Variants in SMARCA1 observed in about 807,000 individuals in gnomAD.
SMARCA1 encodes SNF2 related chromatin remodeling ATPase 1, also known as SWI/SNF-related matrix-associated actin-dependent regulator of chromatin subfamily A member 1.
A neutral mutation model predicts 93.6 loss-of-function variants in SMARCA1; 17 were observed. That is an observed-to-expected ratio of 0.18 (90% CI 0.12 to 0.27). SMARCA1 has a LOEUF of 0.27. SMARCA1 is among the 10% of genes least tolerant of loss of function. The pLI is 1.00. For synonymous variants in SMARCA1, 271 were observed against 271.4 expected (o/e 1.00, Z 0.01); for missense variants, 630 against 819.0 (o/e 0.77, Z 2.82).
chrX:129,470,052 C>A (rs148827194), intron 20 of SMARCA1, among the ~76,000 whole-genome samples: 1 of 110,975 alleles, frequency 9.0e-6, no homozygotes, highest in Admixed American at 9.6e-5. Flanking sequence ...AATAAAATTA[C>A]GTTATAGCAA....
Position 129,499,801 on chromosome X carries a change from A to G in SMARCA1, c.1208T>C (p.Val403Ala). Residue 403 changes from valine (V) to alanine (A), a missense_variant, in exon 10 of 25, where the codon GTA (valine) becomes GCA (alanine). Coordinates refer to ENST00000371121, the MANE Select transcript of SMARCA1 (RefSeq NM_001282874.2). ...CTTTTTAGGTGGCAGACTCTTCTCT[A>G]CATCAGTTTTTATACGGCGTAACAA... ...PFLLRRIKTD[V>A]EKSLPPKKEI... is the part of the protein sequence containing the mutation. 1 of 1,181,866 alleles carries G rather than the reference A, an allele frequency of 8.5e-7. No homozygotes were observed. Among genetic ancestry groups the G allele is most frequent in the Non-Finnish European group, 1.1e-6 (1 of 871,419 alleles).
rs1242844055 is a variant in SMARCA1 at position 129,471,266 on chromosome X, T to C, written c.2503A>G (p.Ile835Val). ...ALAQREEQKK[I>V]DGAEPLTPEE... is the part of the protein sequence containing the mutation. ...GGTGTAAGAGGTTCAGCTCCATCAA[T>C]CTTTTTTTGCTCTTCTCTTTGAGCC... Residue 835 changes from isoleucine (I) to valine (V), a missense_variant, in exon 20 of 25, where the codon ATT (isoleucine) becomes GTT (valine). Physicochemically the swap from Ile to Val is conservative, Grantham distance 29. Around this residue, in one of 4 missense-constraint regions of SMARCA1, gnomAD observed 52 missense variants for 38.3 expected, o/e 1.36. Transcript: ENST00000371121. 1.7e-6 allele frequency: 2 copies of C among 1,200,114 alleles called. No homozygotes were observed. The highest frequency in any genetic ancestry group is 1.8e-5 in the South Asian group (1 of 56,289).
chrX:129,447,226 T>C lies in SMARCA1; in HGVS notation c.3149A>G (p.Lys1050Arg). ...KRATKTPMSQ[K>R]RKAESATESS... ...CTCAGTAGCTGACTCTGCTTTTCTT[T>C]TCTGTGACTAAAATGGAAACAGATT... Residue 1050 changes from lysine (K) to arginine (R), a missense_variant, in exon 25 of 25, where the codon AAA becomes AGA. Coordinates refer to ENST00000371121, the MANE Select transcript of SMARCA1 (RefSeq NM_001282874.2). 1 of 1,133,831 alleles carries C rather than the reference T, an allele frequency of 8.8e-7. No homozygotes were observed. The highest frequency in any genetic ancestry group is 1.2e-6 in the Non-Finnish European group (1 of 855,682). The allele number at this position is 1,133,831 out of a possible 1,213,427, so 93.4% of individuals were successfully genotyped here. A position where few individuals can be genotyped will look rare whatever the true frequency, so the allele number is the denominator to read the frequency against.
At chrX:129,472,645 A>G (rs1195430324) in intron 19 of SMARCA1, among the ~76,000 whole-genome samples, 2 of 111,965 alleles carry the variant, frequency 1.8e-5, no homozygotes, top group Admixed American at 9.5e-5. Flanking sequence ...ATGTTTGTAG[A>G]ACTATGATAA....
rs1295987606 is a variant in SMARCA1 at position 129,465,581 on chromosome X, T to A, written c.2969A>T (p.Gln990Leu). Residue 990 changes from glutamine to leucine, a missense_variant, in exon 23 of 25, where the codon CAG becomes CTG. Gln to Leu is a moderately radical substitution (Grantham distance 113, BLOSUM62 -2). Coordinates refer to ENST00000371121, the MANE Select transcript of SMARCA1 (RefSeq NM_001282874.2). The part of the protein sequence containing the change: ...DRENVYEELR[Q>L]CVRNAPQFRF... The stretch of plus-strand genomic sequence containing the variant: ...AAACTGGGGAGCATTTCGTACACAC[T>A]GTCTTAATTCTTCATATACATTTTC... The A allele has an allele frequency of 8.3e-7, 1 of 1,206,977 alleles. No homozygotes were observed. Among genetic ancestry groups the A allele is most frequent in the Non-Finnish European group, 1.1e-6 (1 of 891,519 alleles).
chrX:129,470,634 C>G (rs1044329421), intron 20 of SMARCA1, among the ~76,000 whole-genome samples: 9 of 111,187 alleles, frequency 8.1e-5, no homozygotes, highest in Non-Finnish European at 1.5e-4. Context: ...TTTGGGAGGC[C>G]GAGGTGGGTG....
chrX:129,511,788 CTTGT>C lies in SMARCA1; in HGVS notation c.810+12_810+15del. The C allele has an allele frequency of 8.6e-7, 1 of 1,162,402 alleles. No homozygotes were observed. The highest frequency in any genetic ancestry group is 3.0e-5 in the East Asian group (1 of 33,328). ...TATTATTCTTAACTGCCTTTTTACA[CTTGT>C]TTCTCACTTACTCTGGCATCCTTGT... On this transcript the variant is annotated intron_variant, in intron 6 of 24. Coordinates refer to ENST00000371121, the MANE Select transcript of SMARCA1 (RefSeq NM_001282874.2).
At position 129,459,548 on chromosome X, in the gene SMARCA1, C is replaced by T. The variant is rs1932767754; in HGVS notation, c.3030+5972G>A. 4.4e-5 allele frequency among the ~76,000 whole-genome samples: 5 copies of T among 112,610 alleles called. No homozygotes were observed. The Admixed American group carries it at 4.7e-4, about 11-fold the overall frequency. Reference sequence around the variant, plus strand: ...CAGATTGTTACAACAGTTCAAGGTACCAAATCGAACACTATTGCTGCATAA... The same window carrying T: ...CAGATTGTTACAACAGTTCAAGGTATCAAATCGAACACTATTGCTGCATAA... On this transcript the variant is annotated intron_variant, in intron 23 of 24. Transcript: ENST00000371121.
chrX:129,453,087 C>T (rs1569422147), intron 23 of SMARCA1, among the ~76,000 whole-genome samples: 1 of 111,637 alleles, frequency 9.0e-6, no homozygotes, highest in Non-Finnish European at 1.9e-5. Flanking sequence ...ACTCTACCAA[C>T]CAGCCATTCC....
intron 16 of SMARCA1, 88 bp downstream of exon 16, chrX:129,488,849 T>C (rs753561998): frequency 1.8e-6 from 1 of 564,033 alleles, no homozygotes; most frequent in African/African-American, 2.3e-5. Flanking sequence ...ATAATGCAGA[T>C]AAACATGTAC....
In SMARCA1 at chrX:129,488,972, C is replaced by T. The variant is rs371904518; in HGVS notation, c.2062G>A (p.Asp688Asn). The change falls in exon 16 of 25, where the codon GAC (aspartate) becomes AAC (asparagine). Residue 688 changes from aspartate (D) to asparagine (N), a missense_variant. This residue lies in a region of SMARCA1 where 382 missense variants were observed against 537.9 expected (regional missense o/e 0.71). Coordinates refer to ENST00000371121, the MANE Select transcript of SMARCA1 (RefSeq NM_001282874.2). ...ASKESELTDE[D>N]ITTILERGEK... ...CCTCTTTCCAGAATAGTTGTAATGT[C>T]TTCATCTGTCAACTCACTCTCTTTA... The T allele has an allele frequency of 1.1e-5, 13 of 1,185,905 alleles. No homozygotes were observed. The highest frequency in any genetic ancestry group is 2.2e-5 in the Admixed American group (1 of 45,776).
intron 11 of SMARCA1, 117 bp from the exon 12 acceptor site, chrX:129,496,988 C>T (rs751054757): frequency 1.3e-4 from 72 of 534,419 alleles, no homozygotes; most frequent in Non-Finnish European, 2.0e-4. Flanking sequence ...CACTAACGCA[C>T]ACACACACGT....
intron 23 of SMARCA1, among the ~76,000 whole-genome samples, chrX:129,454,879 G>A (rs180790134): frequency 3.0e-4 from 34 of 111,880 alleles, no homozygotes; most frequent in African/African-American, 1.1e-3. Context: ...GGTCATTACA[G>A]AAATGCAAAT....
rs781425426 is a variant in SMARCA1 at position 129,448,411 on chromosome X, T to C, written c.3063A>G (p.Ser1021=). The change falls in exon 24 of 25, where the codon TCA becomes TCG. Residue 1021 remains serine (S), a synonymous_variant. Transcript: ENST00000371121. ...TTTCCATATTTTCTTTCTCAATCAATGAAATCAGAGTGTTACAGCGTCTCT... is the reference window on the plus strand; with the variant it reads ...TTTCCATATTTTCTTTCTCAATCAACGAAATCAGAGTGTTACAGCGTCTCT... ...EFQRRCNTLI[S]LIEKENMEIE... is the part of the protein sequence containing the mutation. 4.2e-6 allele frequency: 5 copies of C among 1,200,176 alleles called. No individual in the cohort carries two copies. The highest frequency in any genetic ancestry group is 5.6e-6 in the Non-Finnish European group (5 of 885,814).
chrX:129,456,163 T>G (rs1279373297), intron 23 of SMARCA1, among the ~76,000 whole-genome samples: 1 of 111,679 alleles, frequency 9.0e-6, no homozygotes, highest in Admixed American at 9.6e-5. Flanking sequence ...CCTAGGGCTC[T>G]TAAAAATTAT....
rs1319638327 is a variant in SMARCA1, at chrX:129,518,440, A to T, written c.182T>A (p.Val61Asp). The T allele has an allele frequency of 2.5e-6, 3 of 1,179,727 alleles. No individual in the cohort carries two copies. The African/African-American group carries it at 5.3e-5, about 21-fold the overall frequency. ...EKGEKKKEKN[V>D]SSFQLKLAAK... is the part of the protein sequence containing the mutation. ...AGCAAGTTTGAGTTGAAATGAAGAAACGTTTTTCTAGAATTTCAAAGAAAA... is the reference window on the plus strand; with the variant it reads ...AGCAAGTTTGAGTTGAAATGAAGAATCGTTTTTCTAGAATTTCAAAGAAAA... The change falls in exon 2 of 25, where the codon GTT (valine) becomes GAT (aspartate). Residue 61 changes from valine to aspartate, a missense_variant. Physicochemically the swap from Val to Asp is radical, Grantham distance 152. Transcript: ENST00000371121.
At chrX:129,506,407 C>T (rs933948112) in intron 7 of SMARCA1, among the ~76,000 whole-genome samples, 196 bp from the exon 8 acceptor site, 4 of 111,070 alleles carry the variant, frequency 3.6e-5, no homozygotes, top group African/African-American at 1.3e-4. Flanking sequence ...AGAATGCAAG[C>T]CAGGCGCAGT....
intron 23 of SMARCA1, among the ~76,000 whole-genome samples, chrX:129,461,033 C>T (rs1460203525): frequency 8.9e-6 from 1 of 112,159 alleles, no homozygotes; most frequent in African/African-American, 3.2e-5. Flanking sequence ...AGTAATAACA[C>T]AATTTTCATT....
intron 5 of SMARCA1, among the ~76,000 whole-genome samples, chrX:129,513,426 G>C (rs1212531092): frequency 9.3e-6 from 1 of 107,761 alleles, no homozygotes; most frequent in African/African-American, 3.4e-5. Context: ...TGGGAGGCTG[G>C]GGGAGGAGAA....
Sources: allele counts gnomAD v4.1 joint callset (sites outside exome capture counted in the v4.1 genomes callset), GRCh38; gene constraint gnomAD v4.1.1; regional missense constraint gnomAD v4.1.1; transcripts MANE v1.5; gene names NCBI Gene and HGNC (gene_info 2026-07-23, HGNC 2026-07-21).